MAP4K5: variants seen among roughly 807,000 people sequenced by gnomAD.
MAP4K5 encodes the protein MAPK/ERK kinase kinase kinase 5.
A neutral mutation model predicts 135.6 loss-of-function variants in MAP4K5; 82 were observed. That is an observed-to-expected ratio of 0.60 (90% CI 0.51 to 0.73). MAP4K5 has a LOEUF of 0.73. MAP4K5 is among the 30% of genes least tolerant of loss of function. The probability of loss-of-function intolerance (pLI) is 0.00; values close to 1 mark genes in which losing one functional copy is unlikely to be tolerated. For missense variants in MAP4K5, 907 were observed against 1,010.9 expected, an observed-to-expected ratio of 0.90 and a Z score of 1.39; for synonymous variants, 347 against 335.0, an observed-to-expected ratio of 1.04 and a Z score of -0.39.
rs2035813832 is a variant in MAP4K5 at position 50,424,915 on chromosome 14, G to A, written c.2397+992C>T. Among the ~76,000 whole-genome samples the A allele has an allele frequency of 6.6e-5, 10 of 152,122 alleles. No individual in the cohort carries two copies. The South Asian group carries it at 1.9e-3, about 28-fold the overall frequency. On this transcript the variant is annotated intron_variant, in intron 31 of 32. Transcript: ENST00000682126. ...GGGACTTGGTGACATTTAGTGACAC[G>A]TATCAGTAACTAGATAAACTTATAT...
intron 31 of MAP4K5, among the ~76,000 whole-genome samples, 192 bp downstream of exon 31, chr14:50,425,715 T>C (rs1211048613): frequency 6.6e-6 from 1 of 152,224 alleles, no homozygotes; most frequent in African/African-American, 2.4e-5. Flanking sequence ...TGGTGGCCAC[T>C]GAGAATTTTG....
intron 2 of MAP4K5, among the ~76,000 whole-genome samples, chr14:50,524,946 T>C (rs1266394607): frequency 6.6e-6 from 1 of 152,204 alleles, no homozygotes; most frequent in Non-Finnish European, 1.5e-5. Context: ...AGATCATCTC[T>C]TGAAACTTTT....
At chr14:50,421,237 A>C (rs1044473523) in intron 32 of MAP4K5, among the ~76,000 whole-genome samples, 1 of 152,084 alleles carries the variant, frequency 6.6e-6, no homozygotes, top group African/African-American at 2.4e-5. Context: ...TCTATACTTA[A>C]GCAACAAAAT....
intron 2 of MAP4K5, among the ~76,000 whole-genome samples, chr14:50,508,426 T>C (rs1187235137): frequency 1.3e-5 from 2 of 152,122 alleles, no homozygotes; most frequent in African/African-American, 4.8e-5. Context: ...GGGACATGGA[T>C]GAAGCTGGAA....
At chr14:50,528,233 T>A (rs566516414) in intron 2 of MAP4K5, among the ~76,000 whole-genome samples, 1 of 152,236 alleles carries the variant, frequency 6.6e-6, no homozygotes, top group South Asian at 2.1e-4. Context: ...CTCCTCTTCT[T>A]TCAACCAAAG....
chr14:50,439,991 T>G, intron 23 of MAP4K5, 22 bp downstream of exon 23: 1 of 1,485,426 alleles, frequency 6.7e-7, no homozygotes, highest in Non-Finnish European at 9.2e-7. Context: ...CTATGGTTTA[T>G]TTTTCATCAT....
In MAP4K5 at chr14:50,526,258, G is replaced by A. The variant is rs144673354; in HGVS notation, c.108+5684C>T. Among the ~76,000 whole-genome samples, 173 of 151,990 alleles carry A rather than the reference G, an allele frequency of 1.1e-3. 1 individual carries two copies. The East Asian group carries it at 0.021, about 18-fold the overall frequency. On this transcript the variant is annotated intron_variant, in intron 2 of 32. Coordinates refer to ENST00000682126, the MANE Select transcript of MAP4K5 (RefSeq NM_006575.6). Reference sequence around the variant, plus strand: ...GCATTTCTTCCACTTCTCCTCTATGGCACATAATTTTCTACCAAATTATGA... The same window carrying A: ...GCATTTCTTCCACTTCTCCTCTATGACACATAATTTTCTACCAAATTATGA...
intron 26 of MAP4K5, among the ~76,000 whole-genome samples, chr14:50,436,917 T>TA (rs1470576658): frequency 6.6e-6 from 1 of 152,200 alleles, no homozygotes; most frequent in Non-Finnish European, 1.5e-5. Context: ...TTTTAATCTA[T>TA]ATTCTTTCCC....
At chr14:50,517,525 T>C (rs1311435126) in intron 2 of MAP4K5, among the ~76,000 whole-genome samples, 2 of 149,844 alleles carry the variant, frequency 1.3e-5, no homozygotes, top group African/African-American at 2.4e-5. Flanking sequence ...CTCAGCACTT[T>C]GGGAGGCCGA....
intron 14 of MAP4K5, among the ~76,000 whole-genome samples, chr14:50,453,285 A>G (rs1481447135): frequency 1.3e-5 from 2 of 151,976 alleles, no homozygotes; most frequent in Admixed American, 6.6e-5. Flanking sequence ...AAAAAAAAAA[A>G]GAAAAAAAAT....
intron 3 of MAP4K5, among the ~76,000 whole-genome samples, chr14:50,502,539 T>C (rs2140008256): frequency 6.6e-6 from 1 of 152,224 alleles, no homozygotes; most frequent in Middle Eastern, 3.4e-3. Flanking sequence ...AGAAAAAACC[T>C]TTACTATTGT....
chr14:50,420,583 G>C (rs955244091), intron 32 of MAP4K5, among the ~76,000 whole-genome samples: 1 of 152,198 alleles, frequency 6.6e-6, no homozygotes, highest in Non-Finnish European at 1.5e-5. Context: ...AGGAAACTGT[G>C]ATTGTGCCAC....
At chr14:50,456,404 T>C in intron 14 of MAP4K5, 112 bp downstream of exon 14, 1 of 757,824 alleles carries the variant, frequency 1.3e-6, no homozygotes, top group Non-Finnish European at 2.3e-6. Context: ...AGTATTCTGA[T>C]ATGTTGAAGT....
chr14:50,424,774 G>A (rs901584874), intron 31 of MAP4K5, among the ~76,000 whole-genome samples: 6 of 150,142 alleles, frequency 4.0e-5, no homozygotes, highest in Admixed American at 1.3e-4. Context: ...ATTTGATACA[G>A]TAAGAAACAA....
At chr14:50,467,437 G>T in intron 10 of MAP4K5, among the ~76,000 whole-genome samples, 2 of 151,310 alleles carry the variant, frequency 1.3e-5, no homozygotes, top group African/African-American at 2.4e-5. Flanking sequence ...AATCTTTTTA[G>T]TCTTTATCTA....
At chr14:50,428,536 G>A (rs766467465) in intron 30 of MAP4K5, 126 bp downstream of exon 30, 18 of 565,802 alleles carry the variant, frequency 3.2e-5, no homozygotes, top group African/African-American at 8.0e-5. Flanking sequence ...GATTACAGGC[G>A]TAGAACATTT....
intron 25 of MAP4K5, 75 bp downstream of exon 25, chr14:50,437,817 TGG>T: frequency 1.0e-6 from 1 of 960,410 alleles, no homozygotes; most frequent in Admixed American, 2.1e-5. Flanking sequence ...AGTTTTTTAC[TGG>T]GCAAGAAATA....
intron 3 of MAP4K5, among the ~76,000 whole-genome samples, chr14:50,498,876 T>C (rs2037648925): frequency 6.6e-6 from 1 of 152,244 alleles, no homozygotes; most frequent in South Asian, 2.1e-4. Context: ...GAAAGCACTT[T>C]TGTATTATGC....
intron 1 of MAP4K5, among the ~76,000 whole-genome samples, chr14:50,548,433 A>G (rs2038661661): frequency 6.6e-6 from 1 of 152,238 alleles, no homozygotes; most frequent in Admixed American, 6.5e-5. Flanking sequence ...AGAAGTCACT[A>G]GAGATGCCAC....
Sources: gnomAD v4.1 joint callset for allele counts (sites outside exome capture counted in the v4.1 genomes callset) on GRCh38, gnomAD v4.1.1 for gene constraint, MANE v1.5 for transcripts, NCBI Gene and HGNC (gene_info 2026-07-23, HGNC 2026-07-21) for gene names.